TMEM116: variants seen among roughly 807,000 people sequenced by gnomAD.
TMEM116 encodes the protein transmembrane protein 116.
A neutral mutation model predicts 44.3 loss-of-function variants in TMEM116; 38 were observed. The observed-to-expected ratio is 0.86, with a 90% confidence interval of 0.66 to 1.12. TMEM116 has a LOEUF of 1.12. Among genes scored for constraint, TMEM116 ranks in the 50% most tolerant of loss-of-function variants. The probability of loss-of-function intolerance (pLI) is 0.00; values close to 1 mark genes in which losing one functional copy is unlikely to be tolerated. For synonymous variants in TMEM116, 132 were observed against 144.8 expected, an observed-to-expected ratio of 0.91 and a Z score of 0.64; for missense variants, 354 against 401.7, an observed-to-expected ratio of 0.88 and a Z score of 1.01.
intron 4 of TMEM116, among the ~76,000 whole-genome samples, chr12:111,983,127 C>A (rs2076037030): frequency 6.6e-6 from 1 of 151,544 alleles, no homozygotes; most frequent in African/African-American, 2.4e-5. Flanking sequence ...GAGACCTTGT[C>A]TATCTCTCTA....
intron 3 of TMEM116, among the ~76,000 whole-genome samples, chr12:112,001,494 A>G (rs547837859): frequency 1.5e-4 from 23 of 152,304 alleles, no homozygotes; most frequent in African/African-American, 5.5e-4. Context: ...CATTGTTTGA[A>G]GAAATTTTTG....
At chr12:111,958,829 CA>C (rs1208726212) in intron 4 of TMEM116, among the ~76,000 whole-genome samples, 4 of 152,006 alleles carry the variant, frequency 2.6e-5, no homozygotes, top group African/African-American at 9.7e-5. Context: ...ACAAAGCCTC[CA>C]AGAAATATGG....
intron 1 of TMEM116, among the ~76,000 whole-genome samples, chr12:112,009,530 T>G (rs981933785): frequency 1.4e-5 from 2 of 143,392 alleles, no homozygotes; most frequent in Non-Finnish European, 3.0e-5. Flanking sequence ...CAGCATGGGT[T>G]TACTTAAAAA....
At chr12:111,982,609 C>T (rs2136539954) in intron 4 of TMEM116, among the ~76,000 whole-genome samples, 1 of 151,988 alleles carries the variant, frequency 6.6e-6, no homozygotes, top group South Asian at 2.1e-4. Context: ...CCAATGCATA[C>T]AATTTTTATT....
intron 3 of TMEM116, among the ~76,000 whole-genome samples, chr12:112,003,243 A>G (rs2077371399): frequency 6.6e-6 from 1 of 152,200 alleles, no homozygotes; most frequent in South Asian, 2.1e-4. Context: ...AGCCTTAGCA[A>G]TTAATGCATA....
chr12:111,965,191 T>G (rs545378213), intron 4 of TMEM116, among the ~76,000 whole-genome samples: 1 of 152,282 alleles, frequency 6.6e-6, no homozygotes, highest in East Asian at 1.9e-4. Flanking sequence ...TACCCCCATT[T>G]TTTTTTCCTC....
At chr12:111,937,101 T>C in intron 7 of TMEM116, 59 bp downstream of exon 7, 5 of 1,474,352 alleles carry the variant, frequency 3.4e-6, no homozygotes, top group Non-Finnish European at 4.7e-6. Flanking sequence ...TCCAGCTCTA[T>C]TTATAGAAAC....
At chr12:112,008,391 A>G (rs2077685301) in intron 1 of TMEM116, among the ~76,000 whole-genome samples, 1 of 151,794 alleles carries the variant, frequency 6.6e-6, no homozygotes, top group African/African-American at 2.4e-5. Context: ...TGAGACAGAG[A>G]ATTGCTTGAA....
chr12:111,993,439 T>C (rs2076736553), intron 3 of TMEM116: 1 of 562,458 alleles, frequency 1.8e-6, no homozygotes, highest in Non-Finnish European at 3.6e-6. Context: ...TATAGCAACA[T>C]ACTCCCAGAG....
intron 4 of TMEM116, among the ~76,000 whole-genome samples, chr12:111,974,020 A>G (rs1216074429): frequency 6.6e-6 from 1 of 152,216 alleles, no homozygotes; most frequent in Admixed American, 6.5e-5. Context: ...TTCAACATTC[A>G]AAAGTAAATC....
intron 3 of TMEM116, 119 bp from the exon 4 acceptor site, chr12:111,992,008 C>T: frequency 9.1e-7 from 1 of 1,104,122 alleles, no homozygotes. Flanking sequence ...TCTGGGGCCT[C>T]TGCCATTGGT....
chr12:111,965,976 A>G (rs1367358625), intron 4 of TMEM116, among the ~76,000 whole-genome samples: 1 of 151,392 alleles, frequency 6.6e-6, no homozygotes, highest in African/African-American at 2.4e-5. Context: ...ATTAAGATAA[A>G]GATCCATTTA....
chr12:111,979,706 A>G (rs956891153), intron 4 of TMEM116, among the ~76,000 whole-genome samples: 2 of 152,228 alleles, frequency 1.3e-5, no homozygotes, highest in Admixed American at 1.3e-4. Context: ...GGAAGAAAAC[A>G]TTTCCAAAAT....
rs145695671 is a variant in TMEM116, at chr12:112,006,106, A to C, written c.-33-803T>G. 2,148 of 286,566 alleles carry C rather than the reference A, an allele frequency of 7.5e-3. 15 individuals carry two copies. The highest frequency in any genetic ancestry group is 0.026 in the South Asian group (194 of 7,392). 17.8% of individuals were successfully genotyped at this position (286,566 alleles called of 1,614,324 possible). A position where few individuals can be genotyped will look rare whatever the true frequency, so the allele number is the denominator to read the frequency against. On this transcript the variant is annotated intron_variant, in intron 1 of 10. Transcript: ENST00000552374. Reference sequence around the variant, plus strand: ...CCCCTATCCCAGCTGGGCTCCTCCTATACTGAATCCTGCTCTGTACCTTGA... The same window carrying C: ...CCCCTATCCCAGCTGGGCTCCTCCTCTACTGAATCCTGCTCTGTACCTTGA...
At chr12:111,968,691 T>G (rs917902038) in intron 4 of TMEM116, among the ~76,000 whole-genome samples, 1 of 152,192 alleles carries the variant, frequency 6.6e-6, no homozygotes, top group Non-Finnish European at 1.5e-5. Context: ...TGGAGAAATA[T>G]TTTTTAAAAA....
intron 4 of TMEM116, among the ~76,000 whole-genome samples, chr12:111,945,251 G>C (rs543773054): frequency 6.8e-6 from 1 of 147,232 alleles, no homozygotes; most frequent in East Asian, 2.1e-4. Context: ...GGCTGAGGCA[G>C]GAGAATCGCT....
chr12:111,955,885 T>C (rs1406878744), intron 4 of TMEM116, among the ~76,000 whole-genome samples: 1 of 152,228 alleles, frequency 6.6e-6, no homozygotes, highest in East Asian at 1.9e-4. Flanking sequence ...GGCTATACCA[T>C]ATAGCTTAGG....
chr12:112,003,720 C>T (rs1386978520), intron 3 of TMEM116, 80 bp downstream of exon 3: 3 of 1,465,660 alleles, frequency 2.0e-6, no homozygotes, highest in African/African-American at 2.9e-5. Context: ...TATTTCACCA[C>T]TTACAGGTAA....
At chr12:111,972,076 G>GA (rs762088997) in intron 4 of TMEM116, among the ~76,000 whole-genome samples, 2,162 of 56,874 alleles carry the variant, frequency 0.038, 46 homozygotes, top group Middle Eastern at 0.085. Context: ...CCCTATCTGT[G>GA]AAAAAAAAAA....
Sources: gnomAD v4.1 joint callset for allele counts (sites outside exome capture counted in the v4.1 genomes callset) on GRCh38, gnomAD v4.1.1 for gene constraint, MANE v1.5 for transcripts, NCBI Gene and HGNC (gene_info 2026-07-23, HGNC 2026-07-21) for gene names.